NUP58: variants seen among roughly 807,000 people sequenced by gnomAD.
The protein encoded by NUP58 is nucleoporin p58/p45.
In NUP58, 17 loss-of-function variants were observed where a neutral mutation model predicts 70.1. The observed-to-expected ratio is 0.24, with a 90% CI of 0.17 to 0.36. NUP58 has a LOEUF of 0.36. Ranked by LOEUF, NUP58 falls within the 10% of genes least tolerant of loss-of-function variation. The pLI, the probability that NUP58 is intolerant of heterozygous loss-of-function variation, is 1.00. For synonymous variants in NUP58, 275 were observed against 257.6 expected (o/e 1.07, Z -0.65); for missense variants, 644 against 701.5 (o/e 0.92, Z 0.93).
intron 5 of NUP58, 51 bp downstream of exon 5, chr13:25,313,802 T>G: frequency 7.2e-7 from 1 of 1,392,684 alleles, no homozygotes; most frequent in Non-Finnish European, 9.5e-7. Context: ...TATTTAAATG[T>G]ACTTATTTTT....
chr13:25,326,502 C>T (rs1231495566), intron 10 of NUP58, among the ~76,000 whole-genome samples: 3 of 152,062 alleles, frequency 2.0e-5, no homozygotes, highest in Non-Finnish European at 4.4e-5. Flanking sequence ...GTAGACGTTT[C>T]TACTTTATTT....
At chr13:25,328,085 G>A (rs535212081) in intron 12 of NUP58, among the ~76,000 whole-genome samples, 1 of 151,916 alleles carries the variant, frequency 6.6e-6, no homozygotes, top group African/African-American at 2.4e-5. Flanking sequence ...TGTAGTCCCA[G>A]CTACCTGGGA....
chr13:25,332,025 T>A (rs1010702816), intron 13 of NUP58: 1 of 1,012,486 alleles, frequency 9.9e-7, no homozygotes, highest in Non-Finnish European at 1.2e-6. Flanking sequence ...AGTATGCTTT[T>A]ATTGACTGAA....
chr13:25,322,236 A>G (rs1327199012), intron 9 of NUP58, among the ~76,000 whole-genome samples: 2 of 152,230 alleles, frequency 1.3e-5, no homozygotes, highest in Non-Finnish European at 2.9e-5. Context: ...ACGAAGTGGT[A>G]GTATTTTAAG....
At chr13:25,328,619 A>G (rs548777358) in intron 12 of NUP58, among the ~76,000 whole-genome samples, 1 of 152,182 alleles carries the variant, frequency 6.6e-6, no homozygotes, top group East Asian at 1.9e-4. Flanking sequence ...CTGGTCTCGA[A>G]CTACTAAATT....
Position 25,326,991 on chromosome 13 carries a change from C to T in NUP58, c.1107C>T (p.Asn369=). The change falls in exon 11 of 16, where the codon AAC becomes AAT. Residue 369 remains asparagine (N), a synonymous_variant. Coordinates refer to ENST00000381736, the MANE Select transcript of NUP58 (RefSeq NM_014089.4). ...GGCAGCAGATTGAAGAACTAGAAAACCATCTTGCCACTCAAGCAAATAATT... is the reference window on the plus strand; with the variant it reads ...GGCAGCAGATTGAAGAACTAGAAAATCATCTTGCCACTCAAGCAAATAATT... ...QYRQQIEELE[N]HLATQANNSH... The T allele has an allele frequency of 6.2e-7, 1 of 1,605,330 alleles. No individual in the cohort carries two copies. The highest frequency in any genetic ancestry group is 8.5e-7 in the Non-Finnish European group (1 of 1,175,188).
intron 1 of NUP58, among the ~76,000 whole-genome samples, chr13:25,305,130 G>GTTTTTTTTTTTTTTT (rs562132125): frequency 5.1e-5 from 3 of 58,560 alleles, no homozygotes; most frequent in African/African-American, 1.5e-4. Context: ...GATCTGTGGG[G>GTTTTTTTTTTTTTTT]TTTTTTTTTT....
In NUP58 at chr13:25,327,479, G is replaced by T. The variant is rs373945078; in HGVS notation, c.1200G>T (p.Ala400=). The T allele has an allele frequency of 2.5e-6, 4 of 1,609,804 alleles. No homozygotes were observed. The African/African-American group carries it at 5.3e-5, about 22-fold the overall frequency. The change falls in exon 12 of 16, where the codon GCG becomes GCT. Residue 400 remains alanine (A), a synonymous_variant. Transcript: ENST00000381736. ...QKIYQTFVAL[A]AQLQSIHENV... ...TTTATCAAACATTTGTAGCTTTAGC[G>T]GCACAACTTCAGTCTATTCATGAAA...
At position 25,301,696 on chromosome 13, in the gene NUP58, G is replaced by C. The variant is rs571252971; in HGVS notation, c.-78G>C. ...GTGCCGGGCGAGAGAGATGCTGCCCGGCCCGCCTCGGCTTTGAGGCGAGAG... is the reference window on the plus strand; with the variant it reads ...GTGCCGGGCGAGAGAGATGCTGCCCCGCCCGCCTCGGCTTTGAGGCGAGAG... On this transcript the variant is annotated 5_prime_UTR_variant, in exon 1 of 16. Coordinates refer to ENST00000381736, the MANE Select transcript of NUP58 (RefSeq NM_014089.4). 1 of 737,872 alleles carries C rather than the reference G, an allele frequency of 1.4e-6. No homozygotes were observed. The highest frequency in any genetic ancestry group is 2.0e-6 in the Non-Finnish European group (1 of 490,358). The allele number at this position is 737,872 out of a possible 1,614,324, so 45.7% of individuals were successfully genotyped here.
At chr13:25,310,700 C>G (rs970065959) in intron 3 of NUP58, among the ~76,000 whole-genome samples, 21 of 152,176 alleles carry the variant, frequency 1.4e-4, no homozygotes, top group African/African-American at 4.8e-4. Context: ...TACGTGATTT[C>G]AAAGCACTGC....
downstream of NUP58, among the ~76,000 whole-genome samples, chr13:25,342,771 CTTTTCT>C (rs1390130259): frequency 2.0e-5 from 3 of 152,002 alleles, no homozygotes; most frequent in African/African-American, 7.2e-5. Context: ...TGTTACTTCT[CTTTTCT>C]TTTTCTTTTA....
chr13:25,310,500 G>A (rs2030610301), intron 3 of NUP58, among the ~76,000 whole-genome samples: 1 of 146,326 alleles, frequency 6.8e-6, no homozygotes, highest in Non-Finnish European at 1.5e-5. Context: ...GATTACAGGC[G>A]TGAGCCACTG....
chr13:25,313,767 T>C lies in NUP58; in HGVS notation c.574+16T>C. 1 of 1,510,036 alleles carries C rather than the reference T, an allele frequency of 6.6e-7. No individual in the cohort carries two copies. The highest frequency in any genetic ancestry group is 1.4e-5 in the South Asian group (1 of 72,460). The allele number at this position is 1,510,036 out of a possible 1,614,324, so 93.5% of individuals were successfully genotyped here. ...GGAACATCAGGTAATTGATGGTATT[T>C]ATTCTCCAGAATAGTAAATATTTAT... On this transcript the variant is annotated intron_variant, in intron 5 of 15. Transcript: ENST00000381736.
downstream of NUP58, among the ~76,000 whole-genome samples, chr13:25,343,284 C>G (rs1372850819): frequency 6.6e-6 from 1 of 151,108 alleles, no homozygotes; most frequent in Non-Finnish European, 1.5e-5. Flanking sequence ...TTTTCCATTC[C>G]TGAGTTTCTT....
intron 13 of NUP58, chr13:25,336,041 T>C (rs2031769323): frequency 8.5e-7 from 1 of 1,172,884 alleles, no homozygotes; most frequent in Admixed American, 4.9e-5. Flanking sequence ...CCAAACAAAC[T>C]CAGCCAAAAT....
chr13:25,309,760 C>T (rs560848699), intron 3 of NUP58, among the ~76,000 whole-genome samples: 1 of 152,186 alleles, frequency 6.6e-6, no homozygotes, highest in South Asian at 2.1e-4. Flanking sequence ...GGGTTTCAGC[C>T]AGCTTTCAAT....
rs1356887500 is a variant in NUP58, at chr13:25,342,198, C to A, written c.*2064C>A. On this transcript the variant is annotated 3_prime_UTR_variant, in exon 16 of 16. Transcript: ENST00000381736. ...GAATTACATACACAATTACAACAAACTTTTTTTAAAAGACATTTCATTGTA... is the reference window on the plus strand; with the variant it reads ...GAATTACATACACAATTACAACAAAATTTTTTTAAAAGACATTTCATTGTA... 6.6e-6 allele frequency: 1 copy of A among 152,480 alleles called. No individual in the cohort carries two copies. The highest frequency in any genetic ancestry group is 1.5e-5 in the Non-Finnish European group (1 of 67,994). 9.4% of individuals were successfully genotyped at this position (152,480 alleles called of 1,614,324 possible).
chr13:25,307,922 G>C lies in NUP58; in HGVS notation c.224G>C (p.Gly75Ala). The C allele has an allele frequency of 1.2e-6, 2 of 1,614,064 alleles. No individual in the cohort carries two copies. Among genetic ancestry groups the C allele is most frequent in the African/African-American group, 2.7e-5 (2 of 75,022 alleles). ...TGLFGSKPAT[G>A]FTLGGTNTGI... is the part of the protein sequence containing the mutation. ...CTCTTTGGATCTAAACCTGCCACTG[G>C]GTTCACTCTAGGAGGAACAAATACA... The change falls in exon 2 of 16, where the codon GGG (glycine) becomes GCG (alanine). Residue 75 changes from glycine to alanine, a missense_variant. By Grantham distance (60) the Gly-to-Ala change is moderately conservative (BLOSUM62 0). This residue lies in a region of NUP58 where 430 missense variants were observed against 409.2 expected (regional missense o/e 1.05). Transcript: ENST00000381736.
intron 9 of NUP58, among the ~76,000 whole-genome samples, chr13:25,322,258 A>G (rs1053775231): frequency 1.3e-5 from 2 of 152,212 alleles, no homozygotes; most frequent in African/African-American, 4.8e-5. Flanking sequence ...AAAATTTTTA[A>G]AGGTGCTTTT....
Sources: gnomAD v4.1 joint callset for allele counts (sites outside exome capture counted in the v4.1 genomes callset) on GRCh38, gnomAD v4.1.1 for gene constraint, gnomAD v4.1.1 regional missense constraint, MANE v1.5 for transcripts, NCBI Gene and HGNC (gene_info 2026-07-23, HGNC 2026-07-21) for gene names.